Variants in SLC16A7 observed in about 807,000 individuals in gnomAD.
SLC16A7 encodes monocarboxylate transporter 2.
In SLC16A7, 33 loss-of-function variants were observed where a neutral mutation model predicts 34.9. The observed-to-expected ratio is 0.94, with a 90% CI of 0.72 to 1.26. The LOEUF is 1.26. Among genes scored for constraint, SLC16A7 ranks in the 50% most tolerant of loss-of-function variants. SLC16A7 has a pLI of 0.00. For synonymous variants in SLC16A7, 201 were observed against 206.6 expected, an observed-to-expected ratio of 0.97 and a Z score of 0.23; for missense variants, 573 against 578.1, an observed-to-expected ratio of 0.99 and a Z score of 0.09.
At chr12:59,774,098 G>A (rs1592692910) in intron 4 of SLC16A7, among the ~76,000 whole-genome samples, 1 of 152,168 alleles carries the variant, frequency 6.6e-6, no homozygotes, top group South Asian at 2.1e-4. Flanking sequence ...TACATTAAAT[G>A]TGGACTGTGA....
At chr12:59,725,466 G>A (rs1293482949) in intron 3 of SLC16A7, among the ~76,000 whole-genome samples, 1 of 151,986 alleles carries the variant, frequency 6.6e-6, no homozygotes, top group African/African-American at 2.4e-5. Flanking sequence ...TCCTTGTTAG[G>A]TCAGTCTCCA....
At chr12:59,725,667 A>C (rs2137220990) in intron 3 of SLC16A7, among the ~76,000 whole-genome samples, 1 of 152,162 alleles carries the variant, frequency 6.6e-6, no homozygotes, top group South Asian at 2.1e-4. Flanking sequence ...TATCATTATT[A>C]TCCTACCTGG....
At chr12:59,681,932 C>T (rs1009323255) in intron 2 of SLC16A7, among the ~76,000 whole-genome samples, 5 of 151,242 alleles carry the variant, frequency 3.3e-5, no homozygotes, top group Non-Finnish European at 7.4e-5. Flanking sequence ...CAATTAGAGT[C>T]CTGAGACCCC....
At chr12:59,776,323 C>G (rs1349430403) in intron 5 of SLC16A7, among the ~76,000 whole-genome samples, 1 of 152,104 alleles carries the variant, frequency 6.6e-6, no homozygotes, top group Non-Finnish European at 1.5e-5. Flanking sequence ...GTGGTGAATG[C>G]TTTTAGAAGT....
At chr12:59,638,824 A>G (rs1160852100) in intron 1 of SLC16A7, among the ~76,000 whole-genome samples, 7 of 152,286 alleles carry the variant, frequency 4.6e-5, no homozygotes, top group East Asian at 1.9e-4. Context: ...TGTGAGTTGC[A>G]TTGTATGTTG....
At chr12:59,600,437 C>T (rs1430619303) in intron 1 of SLC16A7, among the ~76,000 whole-genome samples, 1 of 152,014 alleles carries the variant, frequency 6.6e-6, no homozygotes, top group Non-Finnish European at 1.5e-5. Context: ...AACATCTGCA[C>T]ACTAGCTCTC....
At chr12:59,749,688 A>C (rs1879289755) in intron 3 of SLC16A7, among the ~76,000 whole-genome samples, 3 of 152,348 alleles carry the variant, frequency 2.0e-5, no homozygotes, top group South Asian at 4.1e-4. Context: ...GAAAGTCGCC[A>C]AGCTTGAAGC....
intron 3 of SLC16A7, among the ~76,000 whole-genome samples, chr12:59,767,877 G>A (rs992366879): frequency 2.7e-5 from 4 of 149,980 alleles, no homozygotes; most frequent in Non-Finnish European, 2.9e-5. Context: ...CTCACTCATA[G>A]GTGGGAATTG....
In SLC16A7 at chr12:59,781,984, T is replaced by C. The variant is rs1480197622; in HGVS notation, c.*2305T>C. ...AGTGGCCTTCTCCAGGGAGGAGGTT[T>C]ATTTACTTACTGATGAGTTTCTCGT... On this transcript the variant is annotated 3_prime_UTR_variant, in exon 6 of 6. Transcript: ENST00000547379. The C allele has an allele frequency of 6.6e-6, 1 of 152,194 alleles. No homozygotes were observed. The highest frequency in any genetic ancestry group is 1.5e-5 in the Non-Finnish European group (1 of 68,024). 9.4% of individuals were successfully genotyped at this position (152,194 alleles called of 1,614,324 possible). A position where few individuals can be genotyped will look rare whatever the true frequency, so the allele number is the denominator to read the frequency against.
rs1474376999 is a variant in SLC16A7 at position 59,782,375 on chromosome 12, TCA to T, written c.*2697_*2698del. ...TCTTTCCAAGATTGAGAAAAGTGTA[TCA>T]ACCTAGGATTTTCATTACTATATAG... is the stretch of plus-strand genomic sequence containing the variant. On this transcript the variant is annotated 3_prime_UTR_variant, in exon 6 of 6. Transcript: ENST00000547379. 4 of 152,214 alleles carry T rather than the reference TCA, an allele frequency of 2.6e-5. No homozygotes were observed. The highest frequency in any genetic ancestry group is 9.6e-5 in the African/African-American group (4 of 41,464). The allele number at this position is 152,214 out of a possible 1,614,324, so 9.4% of individuals were successfully genotyped here.
rs559917088 is a variant in SLC16A7, at chr12:59,781,660, A to G, written c.*1981A>G. The G allele has an allele frequency of 7.9e-4, 121 of 152,668 alleles. No homozygotes were observed. Among genetic ancestry groups the G allele is most frequent in the African/African-American group, 2.9e-3 (120 of 41,556 alleles). 9.5% of individuals were successfully genotyped at this position (152,668 alleles called of 1,614,324 possible). On this transcript the variant is annotated 3_prime_UTR_variant, in exon 6 of 6. Transcript: ENST00000547379. The stretch of plus-strand genomic sequence containing the variant: ...GCTGTTTTTAATTTAGTTTCACCCG[A>G]TCTTGATTCTTGAATTAGCTATGTT...
intron 5 of SLC16A7, among the ~76,000 whole-genome samples, chr12:59,778,579 A>G (rs1882982972): frequency 6.6e-6 from 1 of 152,172 alleles, no homozygotes; most frequent in African/African-American, 2.4e-5. Flanking sequence ...AAAACTAAAT[A>G]TAAGCTGACA....
rs543184216 is a variant in SLC16A7 at position 59,784,365 on chromosome 12, C to T, written c.*4686C>T. 8.0e-4 allele frequency: 122 copies of T among 151,788 alleles called. No homozygotes were observed. The highest frequency in any genetic ancestry group is 2.9e-3 in the African/African-American group (121 of 41,402). 9.4% of individuals were successfully genotyped at this position (151,788 alleles called of 1,614,324 possible). A position where few individuals can be genotyped will look rare whatever the true frequency, so the allele number is the denominator to read the frequency against. ...CCAGCCTAGGCAATAGAGTGAGAAT[C>T]TGTCTCTATTAAAAAAAAAATAAAA... On this transcript the variant is annotated 3_prime_UTR_variant, in exon 6 of 6. Transcript: ENST00000547379.
chr12:59,632,183 A>T (rs1453053753), intron 1 of SLC16A7, among the ~76,000 whole-genome samples: 1 of 151,996 alleles, frequency 6.6e-6, no homozygotes, highest in Non-Finnish European at 1.5e-5. Flanking sequence ...ATTTAACTTC[A>T]TTGTATACAA....
chr12:59,757,121 G>T (rs1459342121), intron 3 of SLC16A7, among the ~76,000 whole-genome samples: 3 of 109,624 alleles, frequency 2.7e-5, no homozygotes, highest in Admixed American at 2.4e-4. Context: ...TGGGGGGAGG[G>T]GGGAGGGATA....
At chr12:59,739,927 G>T (rs1344457218) in intron 3 of SLC16A7, among the ~76,000 whole-genome samples, 1 of 152,124 alleles carries the variant, frequency 6.6e-6, no homozygotes, top group Non-Finnish European at 1.5e-5. Context: ...TGAGTTCATT[G>T]TAGATTCTGG....
At chr12:59,615,511 A>G (rs1160985868) in intron 1 of SLC16A7, among the ~76,000 whole-genome samples, 3 of 152,164 alleles carry the variant, frequency 2.0e-5, no homozygotes. Context: ...TTCTGATAAG[A>G]TTAAAAAGAG....
At chr12:59,722,922 A>G (rs915492883) in intron 3 of SLC16A7, among the ~76,000 whole-genome samples, 1 of 151,980 alleles carries the variant, frequency 6.6e-6, no homozygotes, top group Non-Finnish European at 1.5e-5. Flanking sequence ...ACATGTAGCT[A>G]TTAAACACTT....
At chr12:59,705,461 G>GT (rs1189446193) in intron 3 of SLC16A7, among the ~76,000 whole-genome samples, 3 of 152,086 alleles carry the variant, frequency 2.0e-5, no homozygotes, top group Non-Finnish European at 2.9e-5. Context: ...AAAATGAAGG[G>GT]TTAACATGTA....
Sources: gnomAD v4.1 joint callset for allele counts (sites outside exome capture counted in the v4.1 genomes callset) on GRCh38, gnomAD v4.1.1 for gene constraint, MANE v1.5 for transcripts, NCBI Gene and HGNC (gene_info 2026-07-23, HGNC 2026-07-21) for gene names.